The following HDAC4 variants were observed in gnomAD, a reference collection of about 807,000 sequenced individuals.
The protein encoded by HDAC4 is histone deacetylase 4.
In HDAC4, 16 loss-of-function variants were observed where a neutral mutation model predicts 135.1. The observed-to-expected ratio is 0.12, with a 90% confidence interval of 0.08 to 0.18. The LOEUF is 0.18. HDAC4 is among the 10% of genes least tolerant of loss of function. HDAC4 has a pLI of 1.00. For missense variants in HDAC4, 1,143 were observed against 1,511.8 expected (o/e 0.76, Z 4.05); for synonymous variants, 685 against 653.4 (o/e 1.05, Z -0.74).
chr2:239,231,410 C>A (rs2047545348), intron 3 of HDAC4, among the ~76,000 whole-genome samples: 1 of 152,046 alleles, frequency 6.6e-6, no homozygotes, highest in African/African-American at 2.4e-5. Context: ...TGCTGAGCGA[C>A]CCTGGGACAG....
intron 3 of HDAC4, among the ~76,000 whole-genome samples, chr2:239,205,349 C>A (rs535409296): frequency 6.6e-6 from 1 of 152,182 alleles, no homozygotes; most frequent in South Asian, 2.1e-4. Context: ...GTTCAGAAGA[C>A]CCCGCAATAT....
At chr2:239,238,615 G>A (rs2153185545) in intron 2 of HDAC4, among the ~76,000 whole-genome samples, 1 of 152,308 alleles carries the variant, frequency 6.6e-6, no homozygotes, top group Middle Eastern at 3.4e-3. Context: ...CAGCGGTGGG[G>A]CCAGAGTCCC....
intron 1 of HDAC4, among the ~76,000 whole-genome samples, chr2:239,388,993 C>A (rs1046118134): frequency 3.3e-5 from 5 of 152,204 alleles, no homozygotes; most frequent in South Asian, 2.1e-4. Context: ...GCCCTGGGAG[C>A]CCGCATTCTG....
At chr2:239,067,301 G>C (rs904084966) in intron 23 of HDAC4, among the ~76,000 whole-genome samples, 1 of 152,104 alleles carries the variant, frequency 6.6e-6, no homozygotes, top group South Asian at 2.1e-4. Context: ...TGAGCGTTTG[G>C]CTTTGATCAA....
At chr2:239,369,841 G>T (rs1196407769) in intron 1 of HDAC4, among the ~76,000 whole-genome samples, 2 of 152,214 alleles carry the variant, frequency 1.3e-5, no homozygotes, top group African/African-American at 4.8e-5. Context: ...AAGGAGCTGA[G>T]GACAGTGCAG....
rs1372690825 is a variant in HDAC4, at chr2:239,309,538, C to T, written c.22+43140G>A. Among the ~76,000 whole-genome samples the T allele has an allele frequency of 6.6e-6, 1 of 152,250 alleles. No homozygotes were observed. The highest frequency in any genetic ancestry group is 1.5e-5 in the Non-Finnish European group (1 of 68,050). ...TCCACATCCGAGTTAGAGGGAAATA[C>T]GATTTATCTCTGGCCTGCATTTACT... On this transcript the variant is annotated intron_variant, in intron 2 of 26. Transcript: ENST00000543185. The surrounding 1 kb of genome is among the most constrained non-coding windows in gnomAD (Gnocchi z 4.2).
At chr2:239,164,760 T>A (rs2043027051) in intron 5 of HDAC4, among the ~76,000 whole-genome samples, 1 of 152,222 alleles carries the variant, frequency 6.6e-6, no homozygotes, top group Non-Finnish European at 1.5e-5. Flanking sequence ...ACTTCCCGAC[T>A]GGGAGACAGT....
Position 239,312,228 on chromosome 2 carries a change from G to A in HDAC4, c.22+40450C>T, listed in dbSNP as rs539995331. Among the ~76,000 whole-genome samples, 11 of 152,250 alleles carry A rather than the reference G, an allele frequency of 7.2e-5. No homozygotes were observed. In the South Asian group the frequency reaches 1.2e-3, roughly 17 times the overall value. ...GACACCAGGCCAGCCAGCCACCCAC[G>A]CTACAGAGGAAATGCAGCCCCTCCC... On this transcript the variant is annotated intron_variant, in intron 2 of 26. Coordinates refer to ENST00000543185, the MANE Select transcript of HDAC4 (RefSeq NM_001378414.1).
chr2:239,077,449 C>T (rs2034877460), intron 22 of HDAC4, among the ~76,000 whole-genome samples: 1 of 152,256 alleles, frequency 6.6e-6, no homozygotes, highest in Admixed American at 6.5e-5. Flanking sequence ...TCCTCCAGGG[C>T]AGGCACTGTG....
intron 3 of HDAC4, among the ~76,000 whole-genome samples, chr2:239,233,468 AAAAC>A (rs1339703059): frequency 1.3e-5 from 2 of 152,120 alleles, no homozygotes; most frequent in Admixed American, 1.3e-4. Context: ...GAAAAAAAAA[AAAAC>A]AAACCCAAAA....
intron 1 of HDAC4, among the ~76,000 whole-genome samples, chr2:239,364,054 G>A (rs970081574): frequency 3.3e-5 from 5 of 152,124 alleles, no homozygotes; most frequent in Admixed American, 6.5e-5. Flanking sequence ...ATCTATAAAC[G>A]AAAGGATACC....
chr2:239,060,817 C>T (rs762175999), intron 24 of HDAC4, among the ~76,000 whole-genome samples: 9 of 152,254 alleles, frequency 5.9e-5, no homozygotes, highest in East Asian at 3.9e-4. Context: ...GCACCTGCCC[C>T]GGCCCGGGCC....
At chr2:239,289,783 C>T (rs1168867222) in intron 2 of HDAC4, among the ~76,000 whole-genome samples, 1 of 152,220 alleles carries the variant, frequency 6.6e-6, no homozygotes, top group East Asian at 1.9e-4. Flanking sequence ...CCTGATCCTG[C>T]CCAAACTCTG....
Position 239,395,891 on chromosome 2 carries a change from G to A in HDAC4, c.-220+5087C>T, listed in dbSNP as rs547546301. Among the ~76,000 whole-genome samples, 7 of 152,344 alleles carry A rather than the reference G, an allele frequency of 4.6e-5. No homozygotes were observed. In the South Asian group the frequency reaches 1.2e-3, roughly 27 times the overall value. ...AAATGTAGAACTGTGGGGACAAGGA[G>A]AATGGCATTTAAGATTTTGACACTT... On this transcript the variant is annotated intron_variant, in intron 1 of 26. Transcript: ENST00000543185.
chr2:239,235,192 C>G (rs900194031), intron 3 of HDAC4, among the ~76,000 whole-genome samples: 6 of 151,314 alleles, frequency 4.0e-5, no homozygotes, highest in African/African-American at 1.5e-4. Flanking sequence ...AGGAGCCCCC[C>G]GAACACCCCC....
chr2:239,280,336 C>G (rs2050632804), intron 2 of HDAC4, among the ~76,000 whole-genome samples: 1 of 152,152 alleles, frequency 6.6e-6, no homozygotes, highest in African/African-American at 2.4e-5. Context: ...CACATTTTGC[C>G]CCAAACTCCA....
intron 1 of HDAC4, among the ~76,000 whole-genome samples, chr2:239,392,152 C>G (rs1049447731): frequency 2.6e-5 from 4 of 152,230 alleles, no homozygotes. Flanking sequence ...CGGGCATGCA[C>G]GTAACGGCTC....
intron 22 of HDAC4, among the ~76,000 whole-genome samples, chr2:239,076,760 G>A (rs2034807929): frequency 1.3e-5 from 2 of 152,194 alleles, no homozygotes; most frequent in South Asian, 2.1e-4. Flanking sequence ...TCCAGGTGGA[G>A]ATGCTCCCAA....
At position 239,299,235 on chromosome 2, in the gene HDAC4, C is replaced by T. The variant is rs556163068; in HGVS notation, c.22+53443G>A. 2.0e-5 allele frequency among the ~76,000 whole-genome samples: 3 copies of T among 152,326 alleles called. No individual in the cohort carries two copies. In the South Asian group the frequency reaches 6.2e-4, roughly 32 times the overall value. ...GGCAGCCTGCCACCATGAATATCCT[C>T]TCAATGTCAACACATCCACTGCCAA... On this transcript the variant is annotated intron_variant, in intron 2 of 26. Coordinates refer to ENST00000543185, the MANE Select transcript of HDAC4 (RefSeq NM_001378414.1). This position sits in a 1 kb window ranked among gnomAD's most constrained non-coding sequence, Gnocchi z 4.0.
Sources: allele counts gnomAD v4.1 joint callset (sites outside exome capture counted in the v4.1 genomes callset), GRCh38; gene constraint gnomAD v4.1.1; non-coding constraint Gnocchi (gnomAD v3.1); transcripts MANE v1.5; gene names NCBI Gene and HGNC (gene_info 2026-07-23, HGNC 2026-07-21).